LRP11: variants seen among roughly 807,000 people sequenced by gnomAD.
LRP11 encodes the protein low-density lipoprotein receptor-related protein 11.
LRP11 carries 25 observed loss-of-function variants against 43.1 expected under a neutral mutation model. The observed-to-expected ratio is 0.58, with a 90% CI of 0.42 to 0.81. LRP11 has a LOEUF of 0.81. Ranked by LOEUF, LRP11 falls within the 30% of genes least tolerant of loss-of-function variation. The pLI is 0.00. For synonymous variants in LRP11, 316 were observed against 299.4 expected, an observed-to-expected ratio of 1.06 and a Z score of -0.57; for missense variants, 623 against 665.1, an observed-to-expected ratio of 0.94 and a Z score of 0.70.
At chr6:149,837,192 C>A in intron 4 of LRP11, 146 bp downstream of exon 4, 1 of 800,738 alleles carries the variant, frequency 1.2e-6, no homozygotes, top group Non-Finnish European at 1.9e-6. Flanking sequence ...ATTGAATTCT[C>A]ATTTAAGGCA....
rs189052732 is a variant in LRP11 at position 149,861,093 on chromosome 6, G to A, written c.613+2315C>T. On this transcript the variant is annotated intron_variant, in intron 1 of 6. Transcript: ENST00000239367. ...CATGGTGCTTTCATCCACCTCAGATGGATCCAGTCACAGCTCCTCTCCAAG... is the reference window on the plus strand; with the variant it reads ...CATGGTGCTTTCATCCACCTCAGATAGATCCAGTCACAGCTCCTCTCCAAG... Among the ~76,000 whole-genome samples the A allele has an allele frequency of 5.3e-5, 8 of 152,234 alleles. No individual in the cohort carries two copies. In the East Asian group the frequency reaches 1.5e-3, roughly 29 times the overall value.
chr6:149,827,891 G>A lies in LRP11; in HGVS notation c.1253-1532C>T, dbSNP rs1262063593. Among the ~76,000 whole-genome samples the A allele has an allele frequency of 6.6e-6, 1 of 152,162 alleles. No individual in the cohort carries two copies. The highest frequency in any genetic ancestry group is 2.4e-5 in the African/African-American group (1 of 41,432). On this transcript the variant is annotated intron_variant, in intron 5 of 6. Coordinates refer to ENST00000239367, the MANE Select transcript of LRP11 (RefSeq NM_032832.6). The surrounding 1 kb of genome is among the most constrained non-coding windows in gnomAD (Gnocchi z 4.2). ...ACAAAAAAAATTAGCCAGGCATGGTGGGCGCCTGTAGTCCCAGCTGCTGGG... is the reference window on the plus strand; with the variant it reads ...ACAAAAAAAATTAGCCAGGCATGGTAGGCGCCTGTAGTCCCAGCTGCTGGG...
chr6:149,858,489 A>ATT (rs1467394632), intron 1 of LRP11, among the ~76,000 whole-genome samples: 12 of 152,306 alleles, frequency 7.9e-5, no homozygotes, highest in African/African-American at 2.9e-4. Context: ...TATTGTGAAT[A>ATT]GTGCCACAAT....
At chr6:149,860,611 G>A (rs1776877786) in intron 1 of LRP11, among the ~76,000 whole-genome samples, 1 of 152,142 alleles carries the variant, frequency 6.6e-6, no homozygotes, top group South Asian at 2.1e-4. Flanking sequence ...GGGGGCATGA[G>A]CAGGGACTTG....
At chr6:149,826,125 CGAG>C in intron 6 of LRP11, 136 bp downstream of exon 6, 1 of 750,708 alleles carries the variant, frequency 1.3e-6, no homozygotes, top group Non-Finnish European at 2.5e-6. Flanking sequence ...ATACAAGCAA[CGAG>C]GAGACAGTTC....
chr6:149,852,006 A>C (rs1776726845), intron 2 of LRP11, among the ~76,000 whole-genome samples: 1 of 152,160 alleles, frequency 6.6e-6, no homozygotes, highest in Non-Finnish European at 1.5e-5. Context: ...GAACTCACTC[A>C]CTATCATGAG....
At chr6:149,822,941 C>A (rs1039127978) in intron 6 of LRP11, among the ~76,000 whole-genome samples, 1 of 151,974 alleles carries the variant, frequency 6.6e-6, no homozygotes, top group Non-Finnish European at 1.5e-5. Flanking sequence ...TATGTGGGAG[C>A]CTTTAGCATA....
At chr6:149,859,937 T>C (rs531830685) in intron 1 of LRP11, among the ~76,000 whole-genome samples, 6 of 152,346 alleles carry the variant, frequency 3.9e-5, no homozygotes, top group African/African-American at 1.2e-4. Context: ...TTAATCCATC[T>C]GGAATTTGTG....
chr6:149,858,319 T>C lies in LRP11; in HGVS notation c.613+5089A>G, dbSNP rs573674175. Among the ~76,000 whole-genome samples the C allele has an allele frequency of 6.6e-5, 10 of 152,330 alleles. No homozygotes were observed. In the South Asian group the frequency reaches 1.2e-3, roughly 19 times the overall value. On this transcript the variant is annotated intron_variant, in intron 1 of 6. Transcript: ENST00000239367. ...GGTGTTTGGTTTTCTGTCCTTGTGA[T>C]AGTTTGCTGAGAATGGTTTCCAGCT...
At chr6:149,859,402 T>C (rs563736846) in intron 1 of LRP11, among the ~76,000 whole-genome samples, 1 of 68,726 alleles carries the variant, frequency 1.5e-5, no homozygotes, top group Non-Finnish European at 2.7e-5. Context: ...ATATATTTTT[T>C]TTTTTTTTTT....
At chr6:149,824,154 CCA>C (rs766373823) in intron 6 of LRP11, among the ~76,000 whole-genome samples, 4 of 152,206 alleles carry the variant, frequency 2.6e-5, no homozygotes, top group Non-Finnish European at 4.4e-5. Context: ...ACACCCAGCC[CCA>C]GTCCGGGGGA....
intron 3 of LRP11, among the ~76,000 whole-genome samples, chr6:149,841,131 A>G (rs915200379): frequency 1.3e-5 from 2 of 152,192 alleles, no homozygotes; most frequent in African/African-American, 4.8e-5. Flanking sequence ...GAAAATTATC[A>G]AAGTTGACAA....
At position 149,852,501 on chromosome 6, in the gene LRP11, G is replaced by A. The variant is rs1388688531; in HGVS notation, c.771+502C>T. 2.0e-5 allele frequency: 3 copies of A among 152,196 alleles called. No individual in the cohort carries two copies. The South Asian group carries it at 6.2e-4, about 32-fold the overall frequency. The allele number at this position is 152,196 out of a possible 1,614,324, so 9.4% of individuals were successfully genotyped here. A position where few individuals can be genotyped will look rare whatever the true frequency, so the allele number is the denominator to read the frequency against. ...AGCCCCGGGCAGGAGCCCCGGGCAG[G>A]AGCACCGCATGCTGGCCTCCCTCCC... On this transcript the variant is annotated intron_variant, in intron 2 of 6. Transcript: ENST00000239367.
At chr6:149,842,759 C>T in intron 3 of LRP11, 1 of 1,427,428 alleles carries the variant, frequency 7.0e-7, no homozygotes, top group Non-Finnish European at 9.6e-7. Context: ...CATCTCTTCT[C>T]ATCCCCTGGA....
chr6:149,822,813 A>G (rs1360716129), intron 6 of LRP11, among the ~76,000 whole-genome samples: 1 of 152,200 alleles, frequency 6.6e-6, no homozygotes, highest in Non-Finnish European at 1.5e-5. Flanking sequence ...TTGATGTATG[A>G]TAGAGACTGT....
intron 1 of LRP11, among the ~76,000 whole-genome samples, chr6:149,860,767 G>A (rs752417702): frequency 1.3e-5 from 2 of 152,008 alleles, no homozygotes; most frequent in Non-Finnish European, 2.9e-5. Flanking sequence ...CTCTACCCTC[G>A]CAGTCCCAGC....
At chr6:149,822,654 C>T (rs376140037) in intron 6 of LRP11, among the ~76,000 whole-genome samples, 5 of 152,080 alleles carry the variant, frequency 3.3e-5, no homozygotes, top group Admixed American at 2.6e-4. Flanking sequence ...AGTTTTTGAA[C>T]GAGTAAGTCT....
intron 3 of LRP11, chr6:149,842,762 C>A: frequency 7.2e-7 from 1 of 1,394,840 alleles, no homozygotes; most frequent in Non-Finnish European, 9.9e-7. Context: ...CTCTTCTCAT[C>A]CCCTGGAGTG....
chr6:149,848,281 C>T (rs959892294), intron 2 of LRP11, among the ~76,000 whole-genome samples: 2 of 152,158 alleles, frequency 1.3e-5, no homozygotes, highest in African/African-American at 4.8e-5. Context: ...CAAATTAGTT[C>T]ACCCATTGTG....
Sources: allele counts gnomAD v4.1 joint callset (sites outside exome capture counted in the v4.1 genomes callset), GRCh38; gene constraint gnomAD v4.1.1; non-coding constraint Gnocchi (gnomAD v3.1); transcripts MANE v1.5; gene names NCBI Gene and HGNC (gene_info 2026-07-23, HGNC 2026-07-21).